NDUFA5: variants seen among roughly 807,000 people sequenced by gnomAD.
NDUFA5 encodes NADH:ubiquinone oxidoreductase subunit A5.
A neutral mutation model predicts 19.8 loss-of-function variants in NDUFA5; 11 were observed. The observed-to-expected ratio is 0.56, with a 90% CI of 0.35 to 0.92. NDUFA5 has a LOEUF of 0.92. Ranked by LOEUF, NDUFA5 falls within the 40% of genes least tolerant of loss-of-function variation. The pLI is 0.01. For missense variants in NDUFA5, 109 were observed against 134.2 expected (o/e 0.81, Z 0.93); for synonymous variants, 47 against 46.8 (o/e 1.00, Z -0.01).
chr7:123,537,422 G>A lies in NDUFA5; in HGVS notation c.*4697C>T, dbSNP rs1797784615. The A allele has an allele frequency of 6.6e-6, 1 of 152,078 alleles. No individual in the cohort carries two copies. The highest frequency in any genetic ancestry group is 1.5e-5 in the Non-Finnish European group (1 of 68,010). The allele number at this position is 152,078 out of a possible 1,614,324, so 9.4% of individuals were successfully genotyped here. ...TAAATTTGGATCATAATACCACTTT[G>A]TGAACTTGTTAAGAGAATGGAAATA... On this transcript the variant is annotated 3_prime_UTR_variant, in exon 5 of 5. Coordinates refer to ENST00000355749, the MANE Select transcript of NDUFA5 (RefSeq NM_005000.5).
At chr7:123,574,188 G>T in the NDUFA5 span, among the ~76,000 whole-genome samples, 2 of 150,094 alleles carry the variant, frequency 1.3e-5, no homozygotes, top group African/African-American at 4.9e-5. Context: ...TGATCACCAG[G>T]TTCCATCTCC....
At chr7:123,546,689 T>A in intron 3 of NDUFA5, 2 of 1,288,952 alleles carry the variant, frequency 1.6e-6, no homozygotes, top group Non-Finnish European at 2.0e-6. Context: ...CGTGATATGT[T>A]ACTGCCTCAG....
At chr7:123,557,025 G>T (rs754362387) in intron 2 of NDUFA5, 2 of 487,054 alleles carry the variant, frequency 4.1e-6, no homozygotes, top group Non-Finnish European at 4.0e-6. Context: ...GAAGGAAAAG[G>T]GGGCAGTACC....
chr7:123,592,479 G>A, the NDUFA5 span, among the ~76,000 whole-genome samples: 3,550 of 152,230 alleles, frequency 0.023, 55 homozygotes, highest in Non-Finnish European at 0.034. Flanking sequence ...ATTCTGGTAC[G>A]TTGTGTCTTT....
the NDUFA5 span, among the ~76,000 whole-genome samples, chr7:123,601,425 T>C: frequency 2.0e-5 from 3 of 152,198 alleles, no homozygotes; most frequent in Non-Finnish European, 4.4e-5. Flanking sequence ...GAAGATTGTA[T>C]TTAATGAAAT....
chr7:123,589,753 TA>T, the NDUFA5 span, among the ~76,000 whole-genome samples: 10 of 152,178 alleles, frequency 6.6e-5, no homozygotes, highest in African/African-American at 2.2e-4. Flanking sequence ...CAAGTCTTGC[TA>T]TTGTGAAGAG....
At position 123,538,621 on chromosome 7, in the gene NDUFA5, C is replaced by T. The variant is rs1308327254; in HGVS notation, c.*3498G>A. ...GCCAGGCTGGCCTCGAACTTTTGAC[C>T]TCAAGTGATCCACCCACCTCGGCCT... On this transcript the variant is annotated 3_prime_UTR_variant, in exon 5 of 5. Coordinates refer to ENST00000355749, the MANE Select transcript of NDUFA5 (RefSeq NM_005000.5). 1 of 152,198 alleles carries T rather than the reference C, an allele frequency of 6.6e-6. No homozygotes were observed. Among genetic ancestry groups the T allele is most frequent in the Admixed American group, 6.5e-5 (1 of 15,284 alleles). 9.4% of individuals were successfully genotyped at this position (152,198 alleles called of 1,614,324 possible). A position where few individuals can be genotyped will look rare whatever the true frequency, so the allele number is the denominator to read the frequency against.
the NDUFA5 span, among the ~76,000 whole-genome samples, chr7:123,599,678 T>C: frequency 6.6e-6 from 1 of 152,232 alleles, no homozygotes; most frequent in African/African-American, 2.4e-5. Flanking sequence ...TCTAACACCG[T>C]GCTTCAACTA....
chr7:123,557,474 T>A (rs1584706227), intron 1 of NDUFA5, 26 bp from the exon 2 acceptor site: 4 of 1,612,890 alleles, frequency 2.5e-6, no homozygotes, highest in African/African-American at 1.3e-5. Context: ...ACACGATTCA[T>A]GCTGTTTACT....
chr7:123,577,594 G>A, the NDUFA5 span, among the ~76,000 whole-genome samples: 31 of 152,138 alleles, frequency 2.0e-4, no homozygotes, highest in African/African-American at 7.5e-4. Flanking sequence ...TTCTTCTCAG[G>A]TTTTGAAAAC....
At chr7:123,575,060 C>CTT in the NDUFA5 span, among the ~76,000 whole-genome samples, 30,459 of 133,454 alleles carry the variant, frequency 0.23, 3,525 homozygotes, top group East Asian at 0.41. Flanking sequence ...GGTATGTTTC[C>CTT]TTTTTTTTTT....
At chr7:123,568,376 C>T in the NDUFA5 span, among the ~76,000 whole-genome samples, 4 of 151,736 alleles carry the variant, frequency 2.6e-5, no homozygotes, top group South Asian at 2.1e-4. Context: ...CAAAATTAGC[C>T]GGGCATGGTG....
chr7:123,567,735 T>C, the NDUFA5 span, among the ~76,000 whole-genome samples: 1 of 152,110 alleles, frequency 6.6e-6, no homozygotes, highest in Non-Finnish European at 1.5e-5. Context: ...CTTAGCCAGT[T>C]TCCCCTTATT....
the NDUFA5 span, among the ~76,000 whole-genome samples, chr7:123,574,181 T>C: frequency 6.6e-6 from 1 of 152,028 alleles, no homozygotes; most frequent in South Asian, 2.1e-4. Context: ...ATAAAATTGA[T>C]CACCAGGTTC....
chr7:123,583,978 C>T, the NDUFA5 span, among the ~76,000 whole-genome samples: 9,695 of 151,952 alleles, frequency 0.064, 335 homozygotes, highest in Non-Finnish European at 0.078. Flanking sequence ...CTTCCCTTGG[C>T]TTGTATTCTG....
the NDUFA5 span, among the ~76,000 whole-genome samples, chr7:123,569,792 T>TGAG: frequency 9.3e-3 from 1,415 of 152,276 alleles, 21 homozygotes; most frequent in African/African-American, 0.033. Flanking sequence ...GAAACACTCT[T>TGAG]GTAACAGAGA....
chr7:123,594,043 GA>G, the NDUFA5 span, among the ~76,000 whole-genome samples: 1 of 151,670 alleles, frequency 6.6e-6, no homozygotes, highest in Non-Finnish European at 1.5e-5. Flanking sequence ...CATCAATCAC[GA>G]TATCCCTTCT....
Position 123,545,655 on chromosome 7 carries a change from C to T in NDUFA5, c.205G>A (p.Glu69Lys). The stretch of plus-strand genomic sequence containing the variant: ...AATTGACCGCCTTGAAGTTGGTCTT[C>T]TAATTTTTTAACATCTGGTTCCTAT... ...VKAEPDVKKL[E>K]DQLQGGQLEE... is the part of the protein sequence containing the mutation. Residue 69 changes from glutamate (E) to lysine (K), a missense_variant, in exon 4 of 5, where the codon GAA becomes AAA. Physicochemically the swap from Glu to Lys is moderately conservative, Grantham distance 56 (BLOSUM62 1). Coordinates refer to ENST00000355749, the MANE Select transcript of NDUFA5 (RefSeq NM_005000.5). The T allele has an allele frequency of 6.2e-7, 1 of 1,609,190 alleles. No homozygotes were observed. Among genetic ancestry groups the T allele is most frequent in the Non-Finnish European group, 8.5e-7 (1 of 1,178,416 alleles).
Position 123,557,453 on chromosome 7 carries a change from TC to T in NDUFA5, c.22-6del. On this transcript the variant is annotated splice_polypyrimidine_tract_variant and splice_region_variant and intron_variant, in intron 1 of 4. Transcript: ENST00000355749. ...CAATCCCACAAGGCCAGTGGTCTGT[TC>T]AAAAACAAAACACGATTCATGCTGT... 1 of 1,612,408 alleles carries T rather than the reference TC, an allele frequency of 6.2e-7. No individual in the cohort carries two copies. Among genetic ancestry groups the T allele is most frequent in the Non-Finnish European group, 8.5e-7 (1 of 1,179,156 alleles).
Sources: gnomAD v4.1 joint callset for allele counts (sites outside exome capture counted in the v4.1 genomes callset) on GRCh38, gnomAD v4.1.1 for gene constraint, MANE v1.5 for transcripts, NCBI Gene and HGNC (gene_info 2026-07-23, HGNC 2026-07-21) for gene names.